NCAM2: variants seen among roughly 807,000 people sequenced by gnomAD.
NCAM2 encodes neural cell adhesion molecule 2, also known as N-CAM-2.
Under a neutral mutation model 98.1 loss-of-function variants are expected in NCAM2, and 30 were observed. The ratio of observed to expected loss-of-function variants is 0.31; its 90% CI spans 0.23 to 0.41. The LOEUF (loss-of-function observed/expected upper bound fraction) is 0.41. Ranked by LOEUF, NCAM2 falls within the 10% of genes least tolerant of loss-of-function variation. The pLI is 1.00. For synonymous variants in NCAM2, 368 were observed against 342.4 expected, an observed-to-expected ratio of 1.07 and a Z score of -0.83; for missense variants, 867 against 1,005.8, an observed-to-expected ratio of 0.86 and a Z score of 1.87.
At chr21:21,313,428 C>T (rs1206653031) in intron 5 of NCAM2, among the ~76,000 whole-genome samples, 4 of 151,632 alleles carry the variant, frequency 2.6e-5, no homozygotes, top group Non-Finnish European at 5.9e-5. Flanking sequence ...CTTAATTGGC[C>T]TTTTTATCAT....
chr21:21,262,713 G>A (rs1199621579), intron 1 of NCAM2, among the ~76,000 whole-genome samples: 2 of 145,448 alleles, frequency 1.4e-5, no homozygotes, highest in African/African-American at 5.0e-5. Flanking sequence ...GAAGTCAGAT[G>A]TATTAGTCCA....
At chr21:21,406,106 G>T (rs780654492) in intron 9 of NCAM2, among the ~76,000 whole-genome samples, 3 of 151,980 alleles carry the variant, frequency 2.0e-5, no homozygotes, top group African/African-American at 7.3e-5. Flanking sequence ...AAATTATTCC[G>T]AGACCTGTTA....
intron 15 of NCAM2, among the ~76,000 whole-genome samples, chr21:21,487,462 T>C (rs555753758): frequency 3.0e-4 from 45 of 152,226 alleles, no homozygotes; most frequent in African/African-American, 1.1e-3. Flanking sequence ...AGCTTGTGTG[T>C]TGAGTGTAAG....
chr21:21,076,381 C>G (rs1007853923), intron 1 of NCAM2, among the ~76,000 whole-genome samples: 4 of 152,068 alleles, frequency 2.6e-5, no homozygotes, highest in African/African-American at 9.7e-5. Context: ...TTATTTTGGG[C>G]TTATACTTGC....
intron 5 of NCAM2, among the ~76,000 whole-genome samples, chr21:21,308,535 A>G (rs2073950729): frequency 6.6e-6 from 1 of 152,050 alleles, no homozygotes; most frequent in African/African-American, 2.4e-5. Flanking sequence ...AGTCACCCCC[A>G]GATTCTTAGA....
intron 1 of NCAM2, among the ~76,000 whole-genome samples, chr21:21,043,075 A>C (rs1433773827): frequency 6.6e-6 from 1 of 152,234 alleles, no homozygotes; most frequent in Non-Finnish European, 1.5e-5. Flanking sequence ...CAGCTAATTT[A>C]CAAGTGCAAA....
At chr21:21,488,410 T>C (rs1295252377) in intron 15 of NCAM2, among the ~76,000 whole-genome samples, 1 of 152,008 alleles carries the variant, frequency 6.6e-6, no homozygotes, top group Non-Finnish European at 1.5e-5. Flanking sequence ...TCATTTATGT[T>C]AAATGAAATA....
intron 1 of NCAM2, among the ~76,000 whole-genome samples, chr21:21,203,420 T>A (rs2147038775): frequency 6.6e-6 from 1 of 152,316 alleles, no homozygotes; most frequent in Non-Finnish European, 1.5e-5. Flanking sequence ...CCACCCAGAC[T>A]TTCCACACCT....
At chr21:21,042,436 G>A (rs927989111) in intron 1 of NCAM2, among the ~76,000 whole-genome samples, 2 of 151,952 alleles carry the variant, frequency 1.3e-5, no homozygotes, top group African/African-American at 4.8e-5. Context: ...CACCCGCCTC[G>A]GCCTCCCAAA....
intron 1 of NCAM2, among the ~76,000 whole-genome samples, chr21:21,081,331 G>A (rs111255993): frequency 9.9e-5 from 15 of 152,246 alleles, no homozygotes; most frequent in African/African-American, 3.6e-4. Flanking sequence ...TATTGGGAGA[G>A]TGCCTTTCCC....
At chr21:21,232,523 A>T (rs192442753) in intron 1 of NCAM2, among the ~76,000 whole-genome samples, 16 of 151,582 alleles carry the variant, frequency 1.1e-4, no homozygotes, top group African/African-American at 2.9e-4. Flanking sequence ...TTGGCATCAG[A>T]AGGGCAGTTT....
intron 16 of NCAM2, among the ~76,000 whole-genome samples, chr21:21,513,067 T>G (rs1286137438): frequency 6.6e-6 from 1 of 152,060 alleles, no homozygotes; most frequent in Non-Finnish European, 1.5e-5. Context: ...TTTGGATACA[T>G]TTTATTTCTT....
intron 9 of NCAM2, among the ~76,000 whole-genome samples, chr21:21,381,616 A>T (rs1481156780): frequency 6.6e-6 from 1 of 152,136 alleles, no homozygotes; most frequent in Admixed American, 6.6e-5. Flanking sequence ...ACTTTACATA[A>T]AATGTGAAAC....
Position 21,032,528 on chromosome 21 carries a change from C to T in NCAM2, c.55+33910C>T, listed in dbSNP as rs528065809. 3.3e-5 allele frequency among the ~76,000 whole-genome samples: 5 copies of T among 152,094 alleles called. No homozygotes were observed. The East Asian group carries it at 5.8e-4, about 18-fold the overall frequency. On this transcript the variant is annotated intron_variant, in intron 1 of 17. Transcript: ENST00000400546. ...ACCATCAGCAAAGTAATACTAATGT[C>T]AACATTACATCAGTTTGAAAAGAAA...
At chr21:21,180,617 A>G (rs1196583454) in intron 1 of NCAM2, among the ~76,000 whole-genome samples, 1 of 152,204 alleles carries the variant, frequency 6.6e-6, no homozygotes, top group Non-Finnish European at 1.5e-5. Flanking sequence ...GACATTTTCT[A>G]TGAAAGGGAT....
intron 1 of NCAM2, among the ~76,000 whole-genome samples, chr21:21,274,136 G>T (rs2072632185): frequency 6.6e-6 from 1 of 150,742 alleles, no homozygotes; most frequent in Admixed American, 6.6e-5. Context: ...TTGCACTCCA[G>T]CCTGGGCGAC....
intron 9 of NCAM2, among the ~76,000 whole-genome samples, chr21:21,385,282 A>G (rs897994075): frequency 1.3e-5 from 2 of 152,088 alleles, no homozygotes; most frequent in Admixed American, 6.6e-5. Flanking sequence ...ATATTTACCT[A>G]TTAATAAAGC....
chr21:21,050,790 A>G (rs1463373020), intron 1 of NCAM2, among the ~76,000 whole-genome samples: 2 of 152,204 alleles, frequency 1.3e-5, no homozygotes, highest in African/African-American at 4.8e-5. Flanking sequence ...TAAGATTTAA[A>G]TGAGTCAGTA....
chr21:21,331,517 C>CTCTCTCTATATATA (rs1483062198), intron 6 of NCAM2, among the ~76,000 whole-genome samples: 7 of 6,938 alleles, frequency 1.0e-3, no homozygotes, highest in Admixed American at 7.1e-3. Flanking sequence ...CTCTCTCTCT[C>CTCTCTCTATATATA]TATATATATA....
Sources: allele counts gnomAD v4.1 joint callset (sites outside exome capture counted in the v4.1 genomes callset), GRCh38; gene constraint gnomAD v4.1.1; transcripts MANE v1.5; gene names NCBI Gene and HGNC (gene_info 2026-07-23, HGNC 2026-07-21).